The following CCDC141 variants were observed in gnomAD, a reference collection of about 807,000 sequenced individuals.
CCDC141 encodes the protein coiled-coil domain containing 141.
Under a neutral mutation model 181.0 loss-of-function variants are expected in CCDC141, and 168 were observed. That is an observed-to-expected ratio of 0.93 (90% CI 0.82 to 1.05). The LOEUF (loss-of-function observed/expected upper bound fraction) is 1.05. Among genes scored for constraint, CCDC141 ranks in the 50% least tolerant of loss-of-function variants. The pLI is 0.00. For missense variants in CCDC141, 1,902 were observed against 1,788.5 expected (o/e 1.06, Z -1.14); for synonymous variants, 666 against 642.3 (o/e 1.04, Z -0.56).
Position 178,834,081 on chromosome 2 carries a change from T to C in CCDC141, c.*92A>G. ...GTGATCAGACTGGAGATACACTTGGTGGGAGATGCTTTGCAGGAGGTGCAG... is the reference window on the plus strand; with the variant it reads ...GTGATCAGACTGGAGATACACTTGGCGGGAGATGCTTTGCAGGAGGTGCAG... On this transcript the variant is annotated 3_prime_UTR_variant, in exon 24 of 24. Coordinates refer to ENST00000443758, the MANE Select transcript of CCDC141 (RefSeq NM_173648.4). The C allele has an allele frequency of 7.9e-7, 1 of 1,264,668 alleles. No individual in the cohort carries two copies. The highest frequency in any genetic ancestry group is 1.1e-6 in the Non-Finnish European group (1 of 916,238). 78.3% of individuals were successfully genotyped at this position (1,264,668 alleles called of 1,614,324 possible).
At chr2:179,032,090 A>G (rs998227160) in intron 2 of CCDC141, among the ~76,000 whole-genome samples, 1 of 151,828 alleles carries the variant, frequency 6.6e-6, no homozygotes, top group African/African-American at 2.4e-5. Context: ...TACTGGCTTG[A>G]CTCAGTGCCT....
chr2:178,975,145 T>C lies in CCDC141; in HGVS notation c.438A>G (p.Gln146=), dbSNP rs1321666737. 6.6e-7 allele frequency: 1 copy of C among 1,504,968 alleles called. No individual in the cohort carries two copies. Among genetic ancestry groups the C allele is most frequent in the Non-Finnish European group, 9.0e-7 (1 of 1,112,862 alleles). 93.2% of individuals were successfully genotyped at this position (1,504,968 alleles called of 1,614,324 possible). A position where few individuals can be genotyped will look rare whatever the true frequency, so the allele number is the denominator to read the frequency against. The change falls in exon 4 of 24, where the codon CAA becomes CAG. Residue 146 remains glutamine (Q), a synonymous_variant. Coordinates refer to ENST00000443758, the MANE Select transcript of CCDC141 (RefSeq NM_173648.4). ...GAGTATTCTGGAGGAAATCTTCAGC[T>C]TGGTCTATTTTAATAGCAAACTACA... ...NALEFAIKID[Q]AEDFLQNTHE... is the part of the protein sequence containing the mutation.
At chr2:178,881,909 TCTCTCTCACACA>T (rs1414073355) in intron 11 of CCDC141, among the ~76,000 whole-genome samples, 45 of 107,256 alleles carry the variant, frequency 4.2e-4, no homozygotes, top group African/African-American at 1.5e-3. Flanking sequence ...TCTCTCTCTC[TCTCTCTCACACA>T]CACACACACA....
chr2:178,902,387 T>G (rs1687742727), intron 8 of CCDC141, among the ~76,000 whole-genome samples: 2 of 151,936 alleles, frequency 1.3e-5, no homozygotes, highest in African/African-American at 2.4e-5. Context: ...AAAACAGCAT[T>G]TTACTGGTAC....
At chr2:179,024,208 C>G (rs1312864236) in intron 2 of CCDC141, among the ~76,000 whole-genome samples, 1 of 152,154 alleles carries the variant, frequency 6.6e-6, no homozygotes, top group Non-Finnish European at 1.5e-5. Flanking sequence ...CCCAAATGTT[C>G]CATACATTAA....
intron 2 of CCDC141, among the ~76,000 whole-genome samples, chr2:178,995,953 C>T (rs1341064351): frequency 6.6e-6 from 1 of 152,080 alleles, no homozygotes; most frequent in African/African-American, 2.4e-5. Flanking sequence ...CCTCAATCTC[C>T]ACTTATGATG....
At chr2:178,845,972 T>C (rs1310318549) in intron 21 of CCDC141, among the ~76,000 whole-genome samples, 1 of 152,200 alleles carries the variant, frequency 6.6e-6, no homozygotes, top group East Asian at 1.9e-4. Context: ...AAATTGGTTG[T>C]TGAAAGACCC....
intron 17 of CCDC141, among the ~76,000 whole-genome samples, chr2:178,861,496 C>T (rs535356734): frequency 1.3e-5 from 2 of 152,142 alleles, no homozygotes; most frequent in East Asian, 3.9e-4. Flanking sequence ...ATTAGCTGGG[C>T]ATGGTGGTGC....
intron 2 of CCDC141, among the ~76,000 whole-genome samples, chr2:179,013,555 A>C (rs887733266): frequency 1.3e-5 from 2 of 152,138 alleles, no homozygotes; most frequent in African/African-American, 4.8e-5. Flanking sequence ...AAGTCTACAA[A>C]TTTAACGCAG....
rs551108599 is a variant in CCDC141, at chr2:179,049,649, A to G, written c.102+191T>C. Among the ~76,000 whole-genome samples, 8 of 151,480 alleles carry G rather than the reference A, an allele frequency of 5.3e-5. No individual in the cohort carries two copies. The South Asian group carries it at 1.7e-3, about 32-fold the overall frequency. On this transcript the variant is annotated intron_variant, in intron 1 of 23. Transcript: ENST00000443758. The stretch of plus-strand genomic sequence containing the variant: ...ATGCTTTCTGGCTGACTGAAAGGAA[A>G]GAGAATCTCTGGTAACTGCTGAAAC...
chr2:178,851,421 T>C (rs939561586), intron 20 of CCDC141, among the ~76,000 whole-genome samples: 2 of 152,060 alleles, frequency 1.3e-5, no homozygotes, highest in Non-Finnish European at 2.9e-5. Context: ...AAATGAGATC[T>C]TTAAAGAGGT....
chr2:178,876,117 A>G (rs1462238950), intron 12 of CCDC141: 1 of 152,204 alleles, frequency 6.6e-6, no homozygotes, highest in Non-Finnish European at 1.5e-5. Context: ...ATGGTCTTCA[A>G]ACAACAAAAG....
chr2:179,027,342 C>T (rs1020948005), intron 2 of CCDC141, among the ~76,000 whole-genome samples: 3 of 152,042 alleles, frequency 2.0e-5, no homozygotes, highest in African/African-American at 4.8e-5. Context: ...AGATTGGATG[C>T]TTTTAAAAAT....
chr2:178,976,613 C>G (rs1475964929), intron 3 of CCDC141, among the ~76,000 whole-genome samples: 5 of 152,176 alleles, frequency 3.3e-5, no homozygotes, highest in African/African-American at 4.8e-5. Flanking sequence ...ACCCAACTGA[C>G]AGTTATGTCT....
At chr2:179,041,247 C>T (rs184988379) in intron 2 of CCDC141, among the ~76,000 whole-genome samples, 86 of 152,186 alleles carry the variant, frequency 5.7e-4, no homozygotes, top group African/African-American at 1.8e-3. Flanking sequence ...CCCACCACCA[C>T]GCCTAGCTAA....
chr2:178,873,609 G>T (rs1686218899), intron 12 of CCDC141: 1 of 152,170 alleles, frequency 6.6e-6, no homozygotes, highest in Non-Finnish European at 1.5e-5. Context: ...AGAGAAAGGA[G>T]AGCTAAAGTA....
rs1234446605 is a variant in CCDC141 at position 178,836,970 on chromosome 2, T to A, written c.4249A>T (p.Asn1417Tyr). ...QAPNFSRLLS[N>Y]VTVMEGSPVT... ...GGAGAACCTTCCATGACAGTTACAT[T>A]AGACAGGAGCCTGGAGAAATTAGGT... Residue 1417 changes from asparagine to tyrosine, a missense_variant, in exon 23 of 24, where the codon AAT becomes TAT. Physicochemically the swap from Asn to Tyr is moderately radical, Grantham distance 143. Coordinates refer to ENST00000443758, the MANE Select transcript of CCDC141 (RefSeq NM_173648.4). 2 of 1,613,826 alleles carry A rather than the reference T, an allele frequency of 1.2e-6. No individual in the cohort carries two copies. The highest frequency in any genetic ancestry group is 8.5e-7 in the Non-Finnish European group (1 of 1,179,948).
chr2:178,821,703 A>T, the CCDC141 span, among the ~76,000 whole-genome samples: 3 of 152,170 alleles, frequency 2.0e-5, no homozygotes, highest in South Asian at 2.1e-4. Context: ...TCAAAACCAC[A>T]ATGAGATACC....
intron 21 of CCDC141, among the ~76,000 whole-genome samples, chr2:178,846,212 G>C (rs562621292): frequency 6.6e-6 from 1 of 152,282 alleles, no homozygotes; most frequent in East Asian, 1.9e-4. Flanking sequence ...ACTGAGTATA[G>C]TAAAGAAAAA....
Sources: gnomAD v4.1 joint callset for allele counts (sites outside exome capture counted in the v4.1 genomes callset) on GRCh38, gnomAD v4.1.1 for gene constraint, MANE v1.5 for transcripts, NCBI Gene and HGNC (gene_info 2026-07-23, HGNC 2026-07-21) for gene names.